The following C10orf53 variants were observed in gnomAD, a reference collection of about 807,000 sequenced individuals.
C10orf53 encodes chromosome 10 open reading frame 53, also known as UPF0728 protein C10orf53.
C10orf53 carries 8 observed loss-of-function variants against 9.4 expected under a neutral mutation model. The ratio of observed to expected loss-of-function variants is 0.85; its 90% confidence interval spans 0.50 to 1.53. C10orf53 has a LOEUF of 1.53. Ranked by LOEUF, C10orf53 falls within the 40% of genes most tolerant of loss-of-function variation. C10orf53 has a pLI of 0.00. For missense variants in C10orf53, 117 were observed against 117.8 expected, an observed-to-expected ratio of 0.99 and a Z score of 0.03; for synonymous variants, 48 against 46.0, an observed-to-expected ratio of 1.04 and a Z score of -0.18.
At chr10:49,689,441 A>G (rs1249248641) in intron 1 of C10orf53, among the ~76,000 whole-genome samples, 1 of 152,184 alleles carries the variant, frequency 6.6e-6, no homozygotes. Context: ...TGTCACCTTT[A>G]GAGGACAACT....
chr10:49,705,548 T>C (rs990701862), intron 2 of C10orf53, among the ~76,000 whole-genome samples: 3 of 152,114 alleles, frequency 2.0e-5, no homozygotes, highest in Non-Finnish European at 2.9e-5. Context: ...CCTCAAGAAA[T>C]GGTGCAGGGA....
chr10:49,681,567 A>G (rs1459543250), intron 1 of C10orf53, among the ~76,000 whole-genome samples: 2 of 152,222 alleles, frequency 1.3e-5, no homozygotes, highest in South Asian at 2.1e-4. Context: ...GGGATTGCCA[A>G]AACAAAATAC....
In C10orf53 at chr10:49,679,693, TG is replaced by T; in HGVS notation, c.-3del. The T allele has an allele frequency of 6.5e-7, 1 of 1,546,008 alleles. No homozygotes were observed. The highest frequency in any genetic ancestry group is 8.7e-7 in the Non-Finnish European group (1 of 1,145,040). ...CCTTGCCTCTGCGGCGGCGGAGGCC[TG>T]GCGATGCCCAAGAACGCAGTGGTCA... On this transcript the variant is annotated 5_prime_UTR_variant, in exon 1 of 3. Coordinates refer to ENST00000374111, the MANE Select transcript of C10orf53 (RefSeq NM_001042427.3).
At chr10:49,683,348 T>G (rs1317970453) in intron 1 of C10orf53, among the ~76,000 whole-genome samples, 1 of 152,236 alleles carries the variant, frequency 6.6e-6, no homozygotes, top group Non-Finnish European at 1.5e-5. Flanking sequence ...TTCAAGTCCT[T>G]TGCCCATTTT....
chr10:49,693,930 C>A (rs1004445316), intron 2 of C10orf53, 37 bp downstream of exon 2: 1 of 1,613,912 alleles, frequency 6.2e-7, no homozygotes, highest in East Asian at 2.2e-5. Flanking sequence ...CAGCAATTTG[C>A]CTCCTCTGAG....
chr10:49,694,533 CCTAGGAGGCGATGGTAAA>C lies in C10orf53; in HGVS notation c.218_235del (p.Gly73_Leu78del). ...ACCAAAAGACAATTATATCTGTTTC[CCTAGGAGGCGATGGTAAA>C]CTAGACCCACTGTGTGAAAAGGCCA... On this transcript the variant is annotated splice_acceptor_variant and splice_polypyrimidine_tract_variant and coding_sequence_variant and intron_variant, in exon 3 of 3. Coordinates refer to ENST00000374111, the MANE Select transcript of C10orf53 (RefSeq NM_001042427.3). LOFTEE classifies it high-confidence loss of function. 6.2e-7 allele frequency: 1 copy of C among 1,614,086 alleles called. No homozygotes were observed. Among genetic ancestry groups the C allele is most frequent in the Non-Finnish European group, 8.5e-7 (1 of 1,179,970 alleles).
At chr10:49,699,575 A>G (rs1342273363), downstream of C10orf53, among the ~76,000 whole-genome samples, 1 of 151,878 alleles carries the variant, frequency 6.6e-6, no homozygotes, top group Admixed American at 6.6e-5. Flanking sequence ...TGTGATGATC[A>G]CCTGCTTCTG....
At chr10:49,707,990 C>T (rs1304047224) in intron 2 of C10orf53, among the ~76,000 whole-genome samples, 1 of 152,070 alleles carries the variant, frequency 6.6e-6, no homozygotes, top group Non-Finnish European at 1.5e-5. Context: ...GCCTGGAGTT[C>T]TAAGTGTTTC....
In C10orf53 at chr10:49,695,127, G is replaced by C. The variant is rs1421192736; in HGVS notation, c.*525G>C. 1 of 245,608 alleles carries C rather than the reference G, an allele frequency of 4.1e-6. No individual in the cohort carries two copies. Among genetic ancestry groups the C allele is most frequent in the Non-Finnish European group, 6.5e-6 (1 of 153,494 alleles). The allele number at this position is 245,608 out of a possible 1,614,324, so 15.2% of individuals were successfully genotyped here. ...CCTGAGGGAATAAATATTTTAAATT[G>C]CTATTATAAAATTAGCCAAAATCAA... On this transcript the variant is annotated 3_prime_UTR_variant, in exon 3 of 3. Transcript: ENST00000374111.
intron 2 of C10orf53, chr10:49,708,347 G>A (rs1476486181): frequency 1.2e-6 from 2 of 1,612,472 alleles, no homozygotes; most frequent in Non-Finnish European, 1.7e-6. Context: ...CTTCTCTGTT[G>A]TCTTTGTTCT....
At position 49,686,646 on chromosome 10, in the gene C10orf53, G is replaced by C. The variant is rs554922799; in HGVS notation, c.97+6852G>C. On this transcript the variant is annotated intron_variant, in intron 1 of 2. Transcript: ENST00000374111. ...TGCTCTAGGAGTATCTGTCTTATGC[G>C]GTTGAGATAAGGACTGAAATACGCC... Among the ~76,000 whole-genome samples the C allele has an allele frequency of 3.3e-5, 5 of 152,096 alleles. No individual in the cohort carries two copies. The South Asian group carries it at 8.3e-4, about 25-fold the overall frequency.
exon 3 of C10orf53, chr10:49,708,859 TC>T: frequency 1.7e-6 from 1 of 571,924 alleles, no homozygotes; most frequent in Non-Finnish European, 3.0e-6. Context: ...AACTACTTAC[TC>T]AATTTGGGAA....
At chr10:49,688,630 T>A (rs1208676807) in intron 1 of C10orf53, among the ~76,000 whole-genome samples, 2 of 77,260 alleles carry the variant, frequency 2.6e-5, no homozygotes, top group East Asian at 8.7e-4. Flanking sequence ...TCTCACCCCC[T>A]CATCTCACCC....
At chr10:49,702,063 G>A (rs746315368), downstream of C10orf53, among the ~76,000 whole-genome samples, 2 of 152,100 alleles carry the variant, frequency 1.3e-5, no homozygotes, top group Non-Finnish European at 2.9e-5. Flanking sequence ...CAGGCATGGT[G>A]GTGGGCGCCT....
chr10:49,688,460 G>T (rs1840550117), intron 1 of C10orf53, among the ~76,000 whole-genome samples: 1 of 151,862 alleles, frequency 6.6e-6, no homozygotes, highest in Admixed American at 6.6e-5. Context: ...TCATCTGCTT[G>T]CAGTTTGTTC....
chr10:49,705,176 A>G (rs1840714559), intron 2 of C10orf53, among the ~76,000 whole-genome samples: 2 of 152,200 alleles, frequency 1.3e-5, no homozygotes, highest in South Asian at 4.1e-4. Flanking sequence ...GTGGAGGAAT[A>G]TATATACTGT....
downstream of C10orf53, among the ~76,000 whole-genome samples, chr10:49,699,190 C>CT (rs67695235): frequency 0.031 from 1,994 of 64,668 alleles, 516 homozygotes; most frequent in African/African-American, 0.13. Context: ...GTGGCTCAAT[C>CT]TTTTTTTTTT....
intron 2 of C10orf53, among the ~76,000 whole-genome samples, chr10:49,707,042 T>C (rs1328353469): frequency 6.6e-6 from 1 of 151,542 alleles, no homozygotes; most frequent in African/African-American, 2.4e-5. Context: ...GAGCACATGC[T>C]ACTTTGTTAG....
intron 2 of C10orf53, among the ~76,000 whole-genome samples, chr10:49,702,766 GT>G (rs1006274933): frequency 1.2e-4 from 19 of 152,206 alleles, no homozygotes; most frequent in African/African-American, 4.6e-4. Context: ...TCTCCTATTG[GT>G]TCTGTTTCTC....
Sources: gnomAD v4.1 joint callset for allele counts (sites outside exome capture counted in the v4.1 genomes callset) on GRCh38, gnomAD v4.1.1 for gene constraint, MANE v1.5 for transcripts, NCBI Gene and HGNC (gene_info 2026-07-23, HGNC 2026-07-21) for gene names.